The following BDP1 variants were observed in gnomAD, a reference collection of about 807,000 sequenced individuals.
The protein encoded by BDP1 is transcription factor TFIIIB component B'' homolog.
BDP1 carries 169 observed loss-of-function variants against 266.6 expected under a neutral mutation model. The ratio of observed to expected loss-of-function variants is 0.63; its 90% CI spans 0.56 to 0.72. BDP1 has a LOEUF of 0.72. BDP1 is among the 30% of genes least tolerant of loss of function. The probability of loss-of-function intolerance (pLI) is 0.00; values close to 1 mark genes in which losing one functional copy is unlikely to be tolerated. For synonymous variants in BDP1, 1,090 were observed against 1,022.4 expected, an observed-to-expected ratio of 1.07 and a Z score of -1.26; for missense variants, 3,015 against 3,053.8, an observed-to-expected ratio of 0.99 and a Z score of 0.30.
At chr5:71,465,276 A>C (rs1196566420) in intron 4 of BDP1, among the ~76,000 whole-genome samples, 1 of 151,630 alleles carries the variant, frequency 6.6e-6, no homozygotes. Flanking sequence ...TATAAGCATT[A>C]TTATTATTAT....
chr5:71,552,115 C>T (rs1448596064), intron 34 of BDP1, among the ~76,000 whole-genome samples: 1 of 148,862 alleles, frequency 6.7e-6, no homozygotes, highest in Non-Finnish European at 1.5e-5. Context: ...GGGCGGCTGC[C>T]GGGCGGAGGG....
the BDP1 span, among the ~76,000 whole-genome samples, chr5:71,573,604 A>G: frequency 1.3e-5 from 2 of 152,194 alleles, no homozygotes; most frequent in African/African-American, 2.4e-5. Context: ...ATGTAAAACA[A>G]TTGGCGTGAA....
In BDP1 at chr5:71,566,936, A is replaced by G. The variant is rs1241733067; in HGVS notation, c.*2051A>G. 6.6e-6 allele frequency: 1 copy of G among 152,244 alleles called. No homozygotes were observed. The highest frequency in any genetic ancestry group is 6.5e-5 in the Admixed American group (1 of 15,288). The allele number at this position is 152,244 out of a possible 1,614,324, so 9.4% of individuals were successfully genotyped here. A position where few individuals can be genotyped will look rare whatever the true frequency, so the allele number is the denominator to read the frequency against. ...AGAAGAGAATTATGTCTCAGCACAT[A>G]TAACAGTAATGCTAATTTATTGAAA... On this transcript the variant is annotated 3_prime_UTR_variant, in exon 39 of 39. Coordinates refer to ENST00000358731, the MANE Select transcript of BDP1 (RefSeq NM_018429.3).
At chr5:71,559,938 T>A in intron 36 of BDP1, 44 bp from the exon 37 acceptor site, 1 of 1,598,398 alleles carries the variant, frequency 6.3e-7, no homozygotes, top group Non-Finnish European at 8.5e-7. Flanking sequence ...ATGGAGTGTA[T>A]TAACTTCAGT....
intron 28 of BDP1, among the ~76,000 whole-genome samples, chr5:71,540,738 AC>A (rs1175850298): frequency 6.6e-6 from 1 of 152,098 alleles, no homozygotes; most frequent in Non-Finnish European, 1.5e-5. Flanking sequence ...GGAGTTCAAG[AC>A]CAGCCTGGGC....
chr5:71,545,554 C>A, intron 32 of BDP1: 1 of 266,518 alleles, frequency 3.8e-6, no homozygotes. Flanking sequence ...TGGTCTTGAA[C>A]GCCTGGCTTC....
At chr5:71,495,550 T>C (rs1285237682) in intron 12 of BDP1, 142 bp downstream of exon 12, 1 of 507,496 alleles carries the variant, frequency 2.0e-6, no homozygotes, top group Non-Finnish European at 3.3e-6. Context: ...AATATGTAAT[T>C]ATACTGTAGT....
Position 71,522,903 on chromosome 5 carries a change from T to A in BDP1, c.5341T>A (p.Ser1781Thr). ...TGGAGAGGAAACTGTAGGAGATAAT[T>A]CACCATCTTCAGTTGTTGAAGAGCA... ...RVGEETVGDN[S>T]PSSVVEEQYL... Residue 1781 changes from serine to threonine, a missense_variant, in exon 24 of 39, where the codon TCA becomes ACA. Physicochemically the swap from Ser to Thr is moderately conservative, Grantham distance 58. This residue lies in a region of BDP1 where 2,383 missense variants were observed against 2,404.9 expected (regional missense o/e 0.99). Coordinates refer to ENST00000358731, the MANE Select transcript of BDP1 (RefSeq NM_018429.3). The A allele has an allele frequency of 6.2e-7, 1 of 1,607,774 alleles. No individual in the cohort carries two copies. The highest frequency in any genetic ancestry group is 1.1e-5 in the South Asian group (1 of 88,972).
At position 71,458,785 on chromosome 5, in the gene BDP1, C is replaced by G; in HGVS notation, c.419C>G (p.Ser140Ter). 1 of 1,614,014 alleles carries G rather than the reference C, an allele frequency of 6.2e-7. No individual in the cohort carries two copies. Among genetic ancestry groups the G allele is most frequent in the Non-Finnish European group, 8.5e-7 (1 of 1,179,946 alleles). Reference protein sequence around the residue: ...ATSTKEKQPCSDRYRIYKAQK... With the variant: ...ATSTKEKQPC Reference sequence around the variant, plus strand: ...TCAACAAAAGAGAAACAGCCATGCTCAGACAGATACCGAATATACAAAGCC... The same window carrying G: ...TCAACAAAAGAGAAACAGCCATGCTGAGACAGATACCGAATATACAAAGCC... Residue 140 changes from serine (S) to a stop codon, truncating the protein, a stop_gained, in exon 2 of 39, where the codon TCA (serine) becomes TGA (stop). Transcript: ENST00000358731. LOFTEE classifies it high-confidence loss of function.
At chr5:71,545,882 C>T (rs2150573892) in intron 32 of BDP1, among the ~76,000 whole-genome samples, 1 of 149,680 alleles carries the variant, frequency 6.7e-6, no homozygotes, top group East Asian at 2.0e-4. Flanking sequence ...TGCCTGTAGT[C>T]CCAGCTACTC....
intron 25 of BDP1, among the ~76,000 whole-genome samples, chr5:71,526,043 C>T (rs1370680972): frequency 6.6e-6 from 1 of 152,086 alleles, no homozygotes; most frequent in Non-Finnish European, 1.5e-5. Context: ...GGGTGGCGGC[C>T]GGGCAGAGGC....
intron 7 of BDP1, 100 bp downstream of exon 7, chr5:71,470,589 T>A (rs1389602170): frequency 1.5e-5 from 3 of 200,310 alleles, no homozygotes; most frequent in African/African-American, 7.4e-5. Context: ...TTAGTTCATC[T>A]TTTTTTTTTT....
Position 71,513,194 on chromosome 5 carries a change from T to C in BDP1, c.4257T>C (p.Leu1419=). 2 of 1,610,266 alleles carry C rather than the reference T, an allele frequency of 1.2e-6. No individual in the cohort carries two copies. Among genetic ancestry groups the C allele is most frequent in the Non-Finnish European group, 1.7e-6 (2 of 1,179,136 alleles). ...ATCCTTGTTCCAAAAGCAAATCTCT[T>C]CCTCAAGAACAGAAGCCACTTGAAA... is the stretch of plus-strand genomic sequence containing the variant. The part of the protein sequence containing the change: ...QFSDINLSKS[L]PQEQKPLEIK... Residue 1419 remains leucine, a synonymous_variant, in exon 19 of 39, where the codon CTT becomes CTC. Coordinates refer to ENST00000358731, the MANE Select transcript of BDP1 (RefSeq NM_018429.3).
At chr5:71,576,967 A>G in the BDP1 span, among the ~76,000 whole-genome samples, 1 of 152,234 alleles carries the variant, frequency 6.6e-6, no homozygotes, top group Non-Finnish European at 1.5e-5. Context: ...TTACATTTGT[A>G]AAGAATATCA....
intron 7 of BDP1, among the ~76,000 whole-genome samples, chr5:71,477,413 T>G (rs1461203965): frequency 6.6e-6 from 1 of 152,184 alleles, no homozygotes; most frequent in Non-Finnish European, 1.5e-5. Context: ...CCTCTCAAAG[T>G]GCTGGCGTTA....
chr5:71,472,420 C>T (rs992348508), intron 7 of BDP1, among the ~76,000 whole-genome samples: 3 of 152,190 alleles, frequency 2.0e-5, no homozygotes, highest in Admixed American at 6.5e-5. Context: ...GAGATTGTAC[C>T]ACTGCACTCC....
At chr5:71,496,729 C>T (rs575275265) in intron 12 of BDP1, among the ~76,000 whole-genome samples, 9 of 152,176 alleles carry the variant, frequency 5.9e-5, no homozygotes, top group East Asian at 3.9e-4. Flanking sequence ...ACTACAGGCA[C>T]GTGCCGCCAT....
chr5:71,535,641 C>A (rs1766550259), intron 26 of BDP1, among the ~76,000 whole-genome samples: 1 of 152,164 alleles, frequency 6.6e-6, no homozygotes, highest in African/African-American at 2.4e-5. Context: ...GCTTTAGAGT[C>A]TAGAAGTCTA....
intron 33 of BDP1, among the ~76,000 whole-genome samples, chr5:71,549,120 C>T (rs527498763): frequency 1.1e-4 from 16 of 152,278 alleles, no homozygotes; most frequent in Middle Eastern, 3.4e-3. Context: ...CACCTGTAAT[C>T]CCATCTACTT....
Sources: gnomAD v4.1 joint callset for allele counts (sites outside exome capture counted in the v4.1 genomes callset) on GRCh38, gnomAD v4.1.1 for gene constraint, gnomAD v4.1.1 regional missense constraint, MANE v1.5 for transcripts, NCBI Gene and HGNC (gene_info 2026-07-23, HGNC 2026-07-21) for gene names.